The following CNTNAP2 variants were observed in gnomAD, a reference collection of about 807,000 sequenced individuals.
The protein encoded by CNTNAP2 is contactin-associated protein-like 2.
Under a neutral mutation model 155.2 loss-of-function variants are expected in CNTNAP2, and 98 were observed. The observed-to-expected ratio is 0.63, with a 90% CI of 0.54 to 0.75. The LOEUF is 0.75. Ranked by LOEUF, CNTNAP2 falls within the 30% of genes least tolerant of loss-of-function variation. CNTNAP2 has a pLI of 0.00. For missense variants in CNTNAP2, 1,727 were observed against 1,688.1 expected (o/e 1.02, Z -0.40); for synonymous variants, 651 against 631.2 (o/e 1.03, Z -0.47).
chr7:146,972,068 G>A (rs985158379), intron 3 of CNTNAP2, among the ~76,000 whole-genome samples: 9 of 152,046 alleles, frequency 5.9e-5, no homozygotes, highest in Non-Finnish European at 1.3e-4. Context: ...TGTTAAAATG[G>A]CCTCTTGATG....
intron 1 of CNTNAP2, among the ~76,000 whole-genome samples, chr7:146,381,956 T>G (rs1795395914): frequency 6.6e-6 from 1 of 152,164 alleles, no homozygotes; most frequent in Admixed American, 6.6e-5. Context: ...TGATTAAGGT[T>G]TGCCCCCATA....
intron 3 of CNTNAP2, among the ~76,000 whole-genome samples, chr7:146,851,809 T>A (rs1794884656): frequency 6.6e-6 from 1 of 151,882 alleles, no homozygotes; most frequent in African/African-American, 2.4e-5. Context: ...GCCTTCTGAG[T>A]AGCTGGGACT....
intron 8 of CNTNAP2, among the ~76,000 whole-genome samples, chr7:147,156,331 A>G (rs1455314021): frequency 6.6e-6 from 1 of 152,190 alleles, no homozygotes; most frequent in Non-Finnish European, 1.5e-5. Context: ...ATTTGTGTGA[A>G]TTCAGCACCT....
chr7:147,882,173 A>G (rs761930214), intron 13 of CNTNAP2, among the ~76,000 whole-genome samples: 4 of 152,244 alleles, frequency 2.6e-5, no homozygotes, highest in Non-Finnish European at 4.4e-5. Context: ...TCATGAAATA[A>G]TAAAGCCAGA....
chr7:146,512,059 T>A (rs1797474628), intron 1 of CNTNAP2, among the ~76,000 whole-genome samples: 1 of 152,036 alleles, frequency 6.6e-6, no homozygotes, highest in African/African-American at 2.4e-5. Context: ...TTTTCTGATT[T>A]GTTGGAATAT....
intron 18 of CNTNAP2, among the ~76,000 whole-genome samples, chr7:148,213,613 C>G (rs1158642108): frequency 6.6e-6 from 1 of 152,112 alleles, no homozygotes; most frequent in Non-Finnish European, 1.5e-5. Context: ...AGGTCCACCT[C>G]TTCTCACCCC....
In CNTNAP2 at chr7:147,873,266, A is replaced by T. The variant is rs1799359576; in HGVS notation, c.2099-30299A>T. On this transcript the variant is annotated intron_variant, in intron 13 of 23. Transcript: ENST00000361727. ...TAGTATGCCTTTGGACTTAGCTAAG[A>T]AAAATGTAAAATATAAAATTGTATT... is the stretch of plus-strand genomic sequence containing the variant. 1.3e-5 allele frequency among the ~76,000 whole-genome samples: 2 copies of T among 152,214 alleles called. 1 individual carries two copies. The highest frequency in any genetic ancestry group is 4.1e-4 in the South Asian group (2 of 4,830).
At chr7:146,583,717 T>C (rs1307217529) in intron 1 of CNTNAP2, among the ~76,000 whole-genome samples, 1 of 152,234 alleles carries the variant, frequency 6.6e-6, no homozygotes, top group Non-Finnish European at 1.5e-5. Flanking sequence ...ATGCAATTTA[T>C]ATAAATATCA....
chr7:147,253,918 T>A (rs1458794568), intron 8 of CNTNAP2, among the ~76,000 whole-genome samples: 1 of 152,196 alleles, frequency 6.6e-6, no homozygotes, highest in African/African-American at 2.4e-5. Context: ...TTATTCCTAT[T>A]TTAGTGACAA....
intron 1 of CNTNAP2, among the ~76,000 whole-genome samples, chr7:146,748,143 C>CCTTTT (rs1801840699): frequency 2.0e-5 from 2 of 98,000 alleles, no homozygotes; most frequent in Admixed American, 2.2e-4. Context: ...CTTTTCTTTT[C>CCTTTT]TTTTTTTTTT....
chr7:146,214,255 T>C (rs185637279), intron 1 of CNTNAP2, among the ~76,000 whole-genome samples: 17 of 152,286 alleles, frequency 1.1e-4, no homozygotes, highest in Admixed American at 1.1e-3. Flanking sequence ...ATCATGTAAA[T>C]GCTCTTTTTT....
chr7:146,642,331 A>T (rs1335897116), intron 1 of CNTNAP2, among the ~76,000 whole-genome samples: 9 of 114,834 alleles, frequency 7.8e-5, no homozygotes, highest in Admixed American at 7.2e-4. Flanking sequence ...ACAACAGTCC[A>T]CAGAGTGTGA....
intron 13 of CNTNAP2, among the ~76,000 whole-genome samples, chr7:147,708,360 C>A (rs1212720824): frequency 6.6e-6 from 1 of 152,146 alleles, no homozygotes; most frequent in Non-Finnish European, 1.5e-5. Context: ...AACTAGCTGC[C>A]AGCCATGACA....
chr7:148,300,803 T>C (rs1180607125), intron 21 of CNTNAP2, among the ~76,000 whole-genome samples: 9 of 152,168 alleles, frequency 5.9e-5, no homozygotes, highest in Admixed American at 5.9e-4. Flanking sequence ...TTCTATGAGA[T>C]ACTTAGAGGA....
intron 12 of CNTNAP2, among the ~76,000 whole-genome samples, chr7:147,587,771 C>A (rs2116838292): frequency 6.6e-6 from 1 of 152,246 alleles, no homozygotes; most frequent in Non-Finnish European, 1.5e-5. Flanking sequence ...TGAGAGAGAA[C>A]TCAATATATT....
At chr7:147,926,119 G>A (rs890480625) in intron 14 of CNTNAP2, among the ~76,000 whole-genome samples, 2 of 152,138 alleles carry the variant, frequency 1.3e-5, no homozygotes, top group African/African-American at 4.8e-5. Flanking sequence ...TATTTGAGCT[G>A]ATTATACCTT....
At chr7:148,239,106 G>C (rs1167707785) in intron 20 of CNTNAP2, among the ~76,000 whole-genome samples, 1 of 152,136 alleles carries the variant, frequency 6.6e-6, no homozygotes, top group South Asian at 2.1e-4. Context: ...ATCTACTCTG[G>C]ATGATAAACT....
chr7:147,725,597 C>G (rs540657509), intron 13 of CNTNAP2, among the ~76,000 whole-genome samples: 3 of 152,056 alleles, frequency 2.0e-5, no homozygotes, highest in Admixed American at 6.6e-5. Flanking sequence ...AACTTTGGCT[C>G]TGAAATTTGA....
Position 146,848,403 on chromosome 7 carries a change from G to T in CNTNAP2, c.402+8499G>T, listed in dbSNP as rs138866553. On this transcript the variant is annotated intron_variant, in intron 3 of 23. Transcript: ENST00000361727. ...CACTGAGCACCTACTACTTATTGAGGCTAGGGATAAACAGACCAAAACACA... is the reference window on the plus strand; with the variant it reads ...CACTGAGCACCTACTACTTATTGAGTCTAGGGATAAACAGACCAAAACACA... Among the ~76,000 whole-genome samples the T allele has an allele frequency of 4.2e-4, 64 of 152,308 alleles. 1 individual carries two copies. In the East Asian group the frequency reaches 0.012, roughly 29 times the overall value.
Sources: allele counts gnomAD v4.1 joint callset (sites outside exome capture counted in the v4.1 genomes callset), GRCh38; gene constraint gnomAD v4.1.1; transcripts MANE v1.5; gene names NCBI Gene and HGNC (gene_info 2026-07-23, HGNC 2026-07-21).